DPP10: variants seen among roughly 807,000 people sequenced by gnomAD.
DPP10 encodes the protein inactive dipeptidyl peptidase 10.
Under a neutral mutation model 120.9 loss-of-function variants are expected in DPP10, and 33 were observed. The ratio of observed to expected loss-of-function variants is 0.27; its 90% CI spans 0.21 to 0.37. The LOEUF (loss-of-function observed/expected upper bound fraction) is 0.37. Ranked by LOEUF, DPP10 falls within the 10% of genes least tolerant of loss-of-function variation. DPP10 has a pLI of 1.00. For synonymous variants in DPP10, 337 were observed against 326.1 expected (o/e 1.03, Z -0.36); for missense variants, 816 against 942.8 (o/e 0.87, Z 1.76).
intron 1 of DPP10, among the ~76,000 whole-genome samples, chr2:114,786,592 C>A (rs188528667): frequency 8.0e-4 from 122 of 152,242 alleles, no homozygotes; most frequent in African/African-American, 2.7e-3. Flanking sequence ...TTTAAAAAGT[C>A]ATTGTGAATA....
chr2:114,835,265 G>A (rs894327691), intron 1 of DPP10: 25 of 132,430 alleles, frequency 1.9e-4, no homozygotes, highest in African/African-American at 6.7e-4. Flanking sequence ...ACACACCTAT[G>A]TATATATATA....
chr2:115,656,448 G>A (rs1041201295), intron 5 of DPP10, among the ~76,000 whole-genome samples: 1 of 151,434 alleles, frequency 6.6e-6, no homozygotes, highest in South Asian at 2.1e-4. Flanking sequence ...TTTATATGTA[G>A]TTCTGAAGAT....
chr2:114,995,606 A>C (rs940305472), intron 1 of DPP10, among the ~76,000 whole-genome samples: 1 of 152,168 alleles, frequency 6.6e-6, no homozygotes, highest in African/African-American at 2.4e-5. Context: ...AGAGTATAAA[A>C]AATTATATAT....
intron 1 of DPP10, among the ~76,000 whole-genome samples, chr2:114,701,329 G>A (rs531835633): frequency 6.6e-6 from 1 of 152,116 alleles, no homozygotes; most frequent in South Asian, 2.1e-4. Context: ...GAGAATGCTA[G>A]GATTTGCAGA....
At chr2:115,497,226 A>T (rs1393697534) in intron 3 of DPP10, among the ~76,000 whole-genome samples, 1 of 152,054 alleles carries the variant, frequency 6.6e-6, no homozygotes, top group Non-Finnish European at 1.5e-5. Context: ...TTTCATTAGT[A>T]TTACAAGGGT....
intron 1 of DPP10, among the ~76,000 whole-genome samples, chr2:114,933,034 C>G (rs1247852894): frequency 6.6e-6 from 1 of 152,170 alleles, no homozygotes; most frequent in African/African-American, 2.4e-5. Flanking sequence ...AACACACCTA[C>G]TTCTTGAAGT....
At chr2:114,832,757 A>T (rs1160223835) in intron 1 of DPP10, among the ~76,000 whole-genome samples, 1 of 152,222 alleles carries the variant, frequency 6.6e-6, no homozygotes, top group Non-Finnish European at 1.5e-5. Context: ...AGATGAAGGG[A>T]TAAACAGATA....
At chr2:115,581,011 C>T (rs928396402) in intron 5 of DPP10, among the ~76,000 whole-genome samples, 9 of 152,104 alleles carry the variant, frequency 5.9e-5, no homozygotes, top group Non-Finnish European at 1.2e-4. Context: ...AGACAAGTTT[C>T]GGGAAAGTGT....
At chr2:115,017,894 C>A (rs936097310) in intron 1 of DPP10, among the ~76,000 whole-genome samples, 1 of 151,728 alleles carries the variant, frequency 6.6e-6, no homozygotes, top group Admixed American at 6.6e-5. Context: ...AGGAGATATA[C>A]CTAATGTAAA....
At chr2:115,037,699 T>C (rs1205305683) in intron 1 of DPP10, among the ~76,000 whole-genome samples, 1 of 152,248 alleles carries the variant, frequency 6.6e-6, no homozygotes, top group Non-Finnish European at 1.5e-5. Context: ...TTAATTCTTT[T>C]GCTTTTAAAA....
intron 1 of DPP10, among the ~76,000 whole-genome samples, chr2:115,221,754 GTTTTTTTTTTTTTTTT>G (rs56077672): frequency 1.7e-5 from 2 of 120,144 alleles, no homozygotes; most frequent in African/African-American, 6.6e-5. Flanking sequence ...GTTTGTTTCT[GTTTTTTTTTTTTTTTT>G]TTTTTTTTTC....
intron 2 of DPP10, among the ~76,000 whole-genome samples, chr2:115,310,851 A>T (rs919632823): frequency 6.6e-6 from 1 of 152,218 alleles, no homozygotes; most frequent in African/African-American, 2.4e-5. Flanking sequence ...GGAGGTATTC[A>T]TGTCATAATC....
At chr2:114,491,943 C>CA (rs1350879772) in intron 1 of DPP10, among the ~76,000 whole-genome samples, 5 of 151,942 alleles carry the variant, frequency 3.3e-5, no homozygotes, top group African/African-American at 7.2e-5. Context: ...TGTCAAACCT[C>CA]AAAAAATGGA....
intron 1 of DPP10, among the ~76,000 whole-genome samples, chr2:115,090,132 T>C (rs1709120619): frequency 6.6e-6 from 1 of 152,172 alleles, no homozygotes; most frequent in Non-Finnish European, 1.5e-5. Context: ...GTCACATTTG[T>C]GTTATGTTTT....
intron 3 of DPP10, among the ~76,000 whole-genome samples, chr2:115,382,884 A>G (rs2066521699): frequency 1.3e-5 from 2 of 152,336 alleles, no homozygotes; most frequent in South Asian, 2.1e-4. Flanking sequence ...ATAGCAACCA[A>G]TTGTGGGGCA....
At chr2:114,948,506 G>A (rs1181288404) in intron 1 of DPP10, among the ~76,000 whole-genome samples, 1 of 151,864 alleles carries the variant, frequency 6.6e-6, no homozygotes, top group Non-Finnish European at 1.5e-5. Flanking sequence ...CTCTCAATCT[G>A]GGAAAATGTG....
intron 1 of DPP10, among the ~76,000 whole-genome samples, chr2:114,772,380 G>A (rs760136056): frequency 1.8e-4 from 27 of 151,894 alleles, no homozygotes; most frequent in African/African-American, 2.7e-4. Context: ...GGCTGGTCTC[G>A]AACTCCTGAC....
chr2:115,315,624 T>A (rs557180398), intron 2 of DPP10, among the ~76,000 whole-genome samples: 1 of 152,334 alleles, frequency 6.6e-6, no homozygotes, highest in East Asian at 1.9e-4. Flanking sequence ...TTTTTAGATT[T>A]GTACTACTTG....
chr2:114,659,730 G>C (rs952457167), intron 1 of DPP10, among the ~76,000 whole-genome samples: 1 of 152,076 alleles, frequency 6.6e-6, no homozygotes, highest in Admixed American at 6.5e-5. Flanking sequence ...AATGGATTTT[G>C]CAATGTTAAA....
Sources: allele counts gnomAD v4.1 joint callset (sites outside exome capture counted in the v4.1 genomes callset), GRCh38; gene constraint gnomAD v4.1.1; transcripts MANE v1.5; gene names NCBI Gene and HGNC (gene_info 2026-07-23, HGNC 2026-07-21).